The following TRAM2 variants were observed in gnomAD, a reference collection of about 807,000 sequenced individuals.
TRAM2 encodes translocation associated membrane protein 2, also known as translocating chain-associated membrane protein 2.
In TRAM2, 12 loss-of-function variants were observed where a neutral mutation model predicts 51.0. That is an observed-to-expected ratio of 0.24 (90% CI 0.15 to 0.38). TRAM2 has a LOEUF of 0.38. Among genes scored for constraint, TRAM2 ranks in the 10% least tolerant of loss-of-function variants. The pLI is 1.00. For synonymous variants in TRAM2, 175 were observed against 179.4 expected (o/e 0.98, Z 0.20); for missense variants, 361 against 462.0 (o/e 0.78, Z 2.00).
intron 2 of TRAM2, among the ~76,000 whole-genome samples, chr6:52,531,160 AGTAC>A (rs1679952380): frequency 6.8e-6 from 1 of 148,118 alleles, no homozygotes; most frequent in South Asian, 2.2e-4. Flanking sequence ...CCAAGAGTAG[AGTAC>A]GATCTAAGGA....
intron 1 of TRAM2, among the ~76,000 whole-genome samples, chr6:52,539,000 A>T (rs1767028431): frequency 6.6e-6 from 1 of 152,156 alleles, no homozygotes; most frequent in Admixed American, 6.5e-5. Context: ...AAGACACCTA[A>T]TTTAACATAT....
intron 2 of TRAM2, among the ~76,000 whole-genome samples, chr6:52,522,609 C>T (rs968527292): frequency 3.9e-5 from 6 of 152,150 alleles, no homozygotes; most frequent in Non-Finnish European, 5.9e-5. Context: ...CTATGGAGTA[C>T]GCCAATATGC....
intron 1 of TRAM2, among the ~76,000 whole-genome samples, chr6:52,576,325 T>G (rs767993598): frequency 1.3e-5 from 2 of 151,896 alleles, no homozygotes; most frequent in Non-Finnish European, 2.9e-5. Flanking sequence ...GAAAATCACA[T>G]AGGAAGTGGA....
chr6:52,516,721 G>A lies in TRAM2; in HGVS notation c.201C>T (p.His67=), dbSNP rs1361062693. The A allele has an allele frequency of 6.8e-6, 11 of 1,613,906 alleles. No individual in the cohort carries two copies. Among genetic ancestry groups the A allele is most frequent in the Non-Finnish European group, 8.5e-6 (10 of 1,179,756 alleles). Residue 67 remains histidine, a synonymous_variant, in exon 3 of 11, where the codon CAC becomes CAT. Transcript: ENST00000182527. ...SVPTADSETV[H]YHYGPKDLVT... is the part of the protein sequence containing the mutation. ...CCAGGTCCTTAGGGCCATAGTGGTA[G>A]TGCACGGTCTCACTGTCTGTGGAGG...
Position 52,504,616 on chromosome 6 carries a change from T to G in TRAM2, c.1014A>C (p.Pro338=), listed in dbSNP as rs745416252. ...CAGATTCCCTCTTGATGAGCCTGGCTGGTAGTCTGGGTGTGGCTGGGACTC... is the reference window on the plus strand; with the variant it reads ...CAGATTCCCTCTTGATGAGCCTGGCGGGTAGTCTGGGTGTGGCTGGGACTC... ...KRRVPATPRL[P]ARLIKRESGY... The change falls in exon 10 of 11, where the codon CCA becomes CCC. Residue 338 remains proline, a synonymous_variant. Transcript: ENST00000182527. The G allele has an allele frequency of 1.9e-6, 3 of 1,614,174 alleles. No homozygotes were observed. In the South Asian group the frequency reaches 3.3e-5, roughly 18 times the overall value.
intron 10 of TRAM2, 140 bp from the exon 11 acceptor site, chr6:52,503,410 C>T: frequency 1.4e-6 from 1 of 730,840 alleles, no homozygotes. Flanking sequence ...CGCCAGGCTG[C>T]AGCCTTGCAC....
chr6:52,504,445 G>T, intron 10 of TRAM2, 146 bp downstream of exon 10: 1 of 1,416,090 alleles, frequency 7.1e-7, no homozygotes, highest in Non-Finnish European at 9.3e-7. Context: ...GGAGCTAGGA[G>T]CCCCAGCCCT....
intron 4 of TRAM2, among the ~76,000 whole-genome samples, chr6:52,510,282 G>A (rs1766428804): frequency 6.6e-6 from 1 of 152,160 alleles, no homozygotes. Flanking sequence ...TATATGGGGT[G>A]GGGATGGCAA....
rs1427518132 is a variant in TRAM2, at chr6:52,499,763, TG to T, written c.*3433del. 1 of 152,162 alleles carries T rather than the reference TG, an allele frequency of 6.6e-6. No individual in the cohort carries two copies. Among genetic ancestry groups the T allele is most frequent in the Non-Finnish European group, 1.5e-5 (1 of 68,078 alleles). The allele number at this position is 152,162 out of a possible 1,614,324, so 9.4% of individuals were successfully genotyped here. ...GTGTCTATTGGGGTTTCTTAAATGT[TG>T]GGAAGTTATGCCTTGGGACATGAAC... On this transcript the variant is annotated 3_prime_UTR_variant, in exon 11 of 11. Coordinates refer to ENST00000182527, the MANE Select transcript of TRAM2 (RefSeq NM_012288.4).
intron 1 of TRAM2, among the ~76,000 whole-genome samples, chr6:52,572,676 G>C (rs1767700519): frequency 6.6e-6 from 1 of 152,216 alleles, no homozygotes; most frequent in African/African-American, 2.4e-5. Flanking sequence ...ATAGAAGCAG[G>C]ATTGTTTTAT....
intron 2 of TRAM2, among the ~76,000 whole-genome samples, chr6:52,526,172 C>G (rs773919722): frequency 0.049 from 3,993 of 81,996 alleles, 74 homozygotes; most frequent in Non-Finnish European, 0.069. Context: ...CACACACACA[C>G]ACACACACAC....
chr6:52,537,014 C>T (rs1221104928), intron 1 of TRAM2, among the ~76,000 whole-genome samples: 3 of 152,176 alleles, frequency 2.0e-5, no homozygotes, highest in Non-Finnish European at 2.9e-5. Context: ...CTGTGTTGCC[C>T]AGACATGCCA....
chr6:52,548,475 C>T (rs763148879), intron 1 of TRAM2, among the ~76,000 whole-genome samples: 14 of 152,248 alleles, frequency 9.2e-5, no homozygotes, highest in Admixed American at 2.0e-4. Flanking sequence ...CTATAAGGAA[C>T]TGCTACATTA....
intron 1 of TRAM2, among the ~76,000 whole-genome samples, chr6:52,565,552 C>T (rs923461700): frequency 1.3e-5 from 2 of 152,056 alleles, no homozygotes; most frequent in African/African-American, 4.8e-5. Context: ...AAGAAGACCC[C>T]TAGATACTAA....
chr6:52,570,687 AGGCAACGT>A (rs1359780146), intron 1 of TRAM2, among the ~76,000 whole-genome samples: 3 of 152,064 alleles, frequency 2.0e-5, no homozygotes, highest in African/African-American at 7.2e-5. Flanking sequence ...AGCCGTCACG[AGGCAACGT>A]GGCTTGGTGG....
rs184583699 is a variant in TRAM2, at chr6:52,562,598, T to C, written c.120+14198A>G. On this transcript the variant is annotated intron_variant, in intron 1 of 10. Transcript: ENST00000182527. ...ATTATACTTTAAGTTCTAGGGTACA[T>C]GTGCAGAACGTGCAGTTTTGTTACA... Among the ~76,000 whole-genome samples the C allele has an allele frequency of 4.2e-3, 633 of 152,330 alleles. 6 individuals are homozygous for C. Among genetic ancestry groups the C allele is most frequent in the African/African-American group, 0.015 (613 of 41,562 alleles).
intron 1 of TRAM2, among the ~76,000 whole-genome samples, chr6:52,539,588 T>C (rs1304742705): frequency 1.3e-5 from 2 of 152,096 alleles, no homozygotes; most frequent in African/African-American, 2.4e-5. Context: ...AAAGCATTTA[T>C]CTTTATTTTT....
At chr6:52,564,747 G>T (rs1198343812) in intron 1 of TRAM2, among the ~76,000 whole-genome samples, 1 of 152,092 alleles carries the variant, frequency 6.6e-6, no homozygotes, top group Non-Finnish European at 1.5e-5. Context: ...ACAGGGCTTG[G>T]CAGAGAGCAA....
intron 3 of TRAM2, 51 bp from the exon 4 acceptor site, chr6:52,516,173 G>A (rs772313693): frequency 1.4e-5 from 22 of 1,545,744 alleles, no homozygotes; most frequent in Non-Finnish European, 2.0e-5. Flanking sequence ...TATCCATATT[G>A]GGCAGGTTTC....
Sources: gnomAD v4.1 joint callset for allele counts (sites outside exome capture counted in the v4.1 genomes callset) on GRCh38, gnomAD v4.1.1 for gene constraint, MANE v1.5 for transcripts, NCBI Gene and HGNC (gene_info 2026-07-23, HGNC 2026-07-21) for gene names.